PTPRD: variants seen among roughly 807,000 people sequenced by gnomAD.
The protein encoded by PTPRD is receptor-type tyrosine-protein phosphatase delta.
Under a neutral mutation model 214.5 loss-of-function variants are expected in PTPRD, and 34 were observed. The ratio of observed to expected loss-of-function variants is 0.16; its 90% confidence interval spans 0.12 to 0.21. PTPRD has a LOEUF of 0.21. PTPRD is among the 10% of genes least tolerant of loss of function. The probability of loss-of-function intolerance (pLI) is 1.00; values close to 1 mark genes in which losing one functional copy is unlikely to be tolerated. For synonymous variants in PTPRD, 1,128 were observed against 845.7 expected (o/e 1.33, Z -5.79); for missense variants, 2,545 against 2,398.7 (o/e 1.06, Z -1.27).
chr9:9,278,231 A>T (rs190762758), intron 9 of PTPRD, among the ~76,000 whole-genome samples: 2 of 151,342 alleles, frequency 1.3e-5, no homozygotes, highest in Non-Finnish European at 3.0e-5. Flanking sequence ...CTCTCATGCC[A>T]GAAATCTTGC....
At chr9:9,846,644 G>C (rs1041750276) in intron 5 of PTPRD, among the ~76,000 whole-genome samples, 1 of 152,084 alleles carries the variant, frequency 6.6e-6, no homozygotes, top group Non-Finnish European at 1.5e-5. Flanking sequence ...GTTTTGTATT[G>C]TGAAGACAGA....
At chr9:9,029,506 T>C (rs368298577) in intron 10 of PTPRD, among the ~76,000 whole-genome samples, 12 of 144,240 alleles carry the variant, frequency 8.3e-5, no homozygotes, top group African/African-American at 3.1e-4. Flanking sequence ...CTAAAAAAAA[T>C]TATTTTAAAT....
At chr9:9,442,751 A>G (rs2088629500) in intron 8 of PTPRD, among the ~76,000 whole-genome samples, 1 of 152,116 alleles carries the variant, frequency 6.6e-6, no homozygotes, top group Admixed American at 6.5e-5. Context: ...AAAAAACCAG[A>G]TCTCTGGCCA....
chr9:8,968,635 G>T lies in PTPRD; in HGVS notation c.-104+50062C>A, dbSNP rs201551891. Among the ~76,000 whole-genome samples, 9 of 152,122 alleles carry T rather than the reference G, an allele frequency of 5.9e-5. No homozygotes were observed. The East Asian group carries it at 1.6e-3, about 26-fold the overall frequency. ...TACCAACCCCATTTTACACACAAAG[G>T]AAAAGTTATTTAAAGGTTAAGTTAT... On this transcript the variant is annotated intron_variant, in intron 11 of 45. Transcript: ENST00000381196.
intron 18 of PTPRD, among the ~76,000 whole-genome samples, chr9:8,524,569 G>T (rs1052327288): frequency 6.6e-6 from 1 of 151,890 alleles, no homozygotes; most frequent in Non-Finnish European, 1.5e-5. Flanking sequence ...TATTTCAGGG[G>T]TTTAATAAGG....
intron 33 of PTPRD, chr9:8,454,722 T>G: frequency 1.0e-6 from 1 of 964,140 alleles, no homozygotes; most frequent in Non-Finnish European, 1.6e-6. Context: ...ATAACTGACA[T>G]ACATTCAGAA....
chr9:8,989,927 A>G (rs2099359813), intron 11 of PTPRD, among the ~76,000 whole-genome samples: 1 of 152,176 alleles, frequency 6.6e-6, no homozygotes, highest in South Asian at 2.1e-4. Flanking sequence ...CTACATTTTA[A>G]ATTACAATAT....
chr9:9,668,029 A>G (rs2096756192), intron 7 of PTPRD, among the ~76,000 whole-genome samples: 1 of 152,172 alleles, frequency 6.6e-6, no homozygotes, highest in Non-Finnish European at 1.5e-5. Context: ...ATCCATTTTC[A>G]AATTCAAAAT....
At chr9:10,180,470 G>A (rs1378336069) in intron 3 of PTPRD, among the ~76,000 whole-genome samples, 1 of 151,706 alleles carries the variant, frequency 6.6e-6, no homozygotes, top group Admixed American at 6.6e-5. Flanking sequence ...ATTTCTGGTG[G>A]ATCATTTCAC....
intron 2 of PTPRD, among the ~76,000 whole-genome samples, chr9:10,346,603 C>T (rs997599652): frequency 5.9e-5 from 9 of 152,168 alleles, no homozygotes; most frequent in African/African-American, 1.4e-4. Context: ...ATTTTTTAAA[C>T]ATTCATGATG....
chr9:9,820,277 A>G (rs549562963), intron 5 of PTPRD, among the ~76,000 whole-genome samples: 1 of 152,192 alleles, frequency 6.6e-6, no homozygotes, highest in South Asian at 2.1e-4. Flanking sequence ...TTTACCGCTC[A>G]TATGTCTTCT....
chr9:10,076,490 A>G (rs558060319), intron 3 of PTPRD, among the ~76,000 whole-genome samples: 4 of 152,254 alleles, frequency 2.6e-5, no homozygotes, highest in Admixed American at 2.0e-4. Context: ...CTGAATGGAT[A>G]TATAGACCCT....
intron 8 of PTPRD, among the ~76,000 whole-genome samples, chr9:9,520,211 GCC>G (rs2154253812): frequency 6.7e-6 from 1 of 149,410 alleles, no homozygotes; most frequent in African/African-American, 2.5e-5. Context: ...AATGTTCTCT[GCC>G]CCAGAGCACA....
chr9:8,851,980 T>C (rs1262364227), intron 11 of PTPRD, among the ~76,000 whole-genome samples: 2 of 152,124 alleles, frequency 1.3e-5, no homozygotes, highest in Admixed American at 1.3e-4. Context: ...GAATTAACAA[T>C]AACTGATATC....
At chr9:10,107,591 G>A (rs1004399572) in intron 3 of PTPRD, among the ~76,000 whole-genome samples, 2 of 151,964 alleles carry the variant, frequency 1.3e-5, no homozygotes, top group Non-Finnish European at 2.9e-5. Flanking sequence ...TTGTTATGAG[G>A]ATACACAACA....
rs2099954661 is a variant in PTPRD at position 9,219,861 on chromosome 9, C to T, written c.-202-36498G>A. On this transcript the variant is annotated intron_variant, in intron 9 of 45. Coordinates refer to ENST00000381196, the MANE Select transcript of PTPRD (RefSeq NM_002839.4). ...ATTCTCTGCAGGAAATGGGCATCTGCCCCAATTTCAGCAAAACATTGGGAC... is the reference window on the plus strand; with the variant it reads ...ATTCTCTGCAGGAAATGGGCATCTGTCCCAATTTCAGCAAAACATTGGGAC... 3.3e-5 allele frequency among the ~76,000 whole-genome samples: 5 copies of T among 152,156 alleles called. No homozygotes were observed. In the South Asian group the frequency reaches 8.3e-4, roughly 25 times the overall value.
chr9:8,958,814 C>G (rs2099144692), intron 11 of PTPRD: 1 of 151,924 alleles, frequency 6.6e-6, no homozygotes, highest in South Asian at 2.1e-4. Flanking sequence ...ATCCCATAAC[C>G]ACAATGGAAA....
At chr9:10,408,756 G>A (rs1028293871) in intron 2 of PTPRD, among the ~76,000 whole-genome samples, 2 of 151,696 alleles carry the variant, frequency 1.3e-5, no homozygotes, top group Non-Finnish European at 2.9e-5. Flanking sequence ...TGGGCAGTGT[G>A]TTTAGTCTTT....
intron 11 of PTPRD, among the ~76,000 whole-genome samples, chr9:8,988,000 A>G (rs2099352261): frequency 6.6e-6 from 1 of 151,936 alleles, no homozygotes; most frequent in Admixed American, 6.6e-5. Context: ...AGGGAAGTGG[A>G]GTGAAAGCAA....
Sources: allele counts gnomAD v4.1 joint callset (sites outside exome capture counted in the v4.1 genomes callset), GRCh38; gene constraint gnomAD v4.1.1; transcripts MANE v1.5; gene names NCBI Gene and HGNC (gene_info 2026-07-23, HGNC 2026-07-21).